IFITM10: variants seen among roughly 807,000 people sequenced by gnomAD.
IFITM10 encodes interferon-induced transmembrane protein 10.
Under a neutral mutation model 19.0 loss-of-function variants are expected in IFITM10, and 17 were observed. That is an observed-to-expected ratio of 0.90 (90% CI 0.61 to 1.34). The LOEUF (loss-of-function observed/expected upper bound fraction) is 1.34, where lower values mean the gene tolerates loss of function less well. Among genes scored for constraint, IFITM10 ranks in the 40% most tolerant of loss-of-function variants. IFITM10 has a pLI of 0.00. For missense variants in IFITM10, 306 were observed against 319.8 expected (o/e 0.96, Z 0.33); for synonymous variants, 148 against 147.2 (o/e 1.01, Z -0.04).
In IFITM10 at chr11:1,735,275, G is replaced by A. The variant is rs1026835107; in HGVS notation, c.*5C>T. 51 of 1,551,432 alleles carry A rather than the reference G, an allele frequency of 3.3e-5. No individual in the cohort carries two copies. Among genetic ancestry groups the A allele is most frequent in the Non-Finnish European group, 4.2e-5 (48 of 1,146,906 alleles). On this transcript the variant is annotated 3_prime_UTR_variant, in exon 3 of 3. Coordinates refer to ENST00000340134, the MANE Select transcript of IFITM10 (RefSeq NM_001170820.4). The stretch of plus-strand genomic sequence containing the variant: ...GTCTCCGCCAGCAGCCGTGCCTGGC[G>A]GGCCTTAGTAGTCGGTGAGGGGGTA...
chr11:1,742,254 A>G (rs1253192258), intron 2 of IFITM10, among the ~76,000 whole-genome samples: 1 of 152,128 alleles, frequency 6.6e-6, no homozygotes, highest in African/African-American at 2.4e-5. Flanking sequence ...TTACAGCTGA[A>G]TGATTAGCTA....
chr11:1,740,298 T>TAAA (rs1845547579), intron 2 of IFITM10, among the ~76,000 whole-genome samples: 1 of 39,130 alleles, frequency 2.6e-5, no homozygotes, highest in African/African-American at 2.0e-4. Context: ...AGACTCCATC[T>TAAA]CAAAAAAAAA....
At chr11:1,748,286 C>T (rs1182187485) in intron 1 of IFITM10, 167 bp from the exon 2 acceptor site, 1 of 484,130 alleles carries the variant, frequency 2.1e-6, no homozygotes, top group Non-Finnish European at 3.4e-6. Context: ...CCTCGGCGGC[C>T]ACGGACGATG....
chr11:1,747,369 C>G (rs942950896), intron 2 of IFITM10, among the ~76,000 whole-genome samples: 1 of 152,092 alleles, frequency 6.6e-6, no homozygotes, highest in Non-Finnish European at 1.5e-5. Flanking sequence ...CCTCAACCCC[C>G]GCTCCCAGCC....
chr11:1,747,881 G>C lies in IFITM10; in HGVS notation c.323C>G (p.Ser108Cys). The C allele has an allele frequency of 6.5e-7, 1 of 1,530,612 alleles. No homozygotes were observed. The highest frequency in any genetic ancestry group is 8.8e-7 in the Non-Finnish European group (1 of 1,135,644). The allele number at this position is 1,530,612 out of a possible 1,614,324, so 94.8% of individuals were successfully genotyped here. A position where few individuals can be genotyped will look rare whatever the true frequency, so the allele number is the denominator to read the frequency against. The change falls in exon 2 of 3, where the codon TCC becomes TGC. Residue 108 changes from serine (S) to cysteine (C), a missense_variant. Ser to Cys is a moderately radical substitution (Grantham distance 112, BLOSUM62 -1). Transcript: ENST00000340134. ...CACGCTGTCGGTCTTGCTGCTCTTG[G>C]ACTCCATGGGGAACAGTGTGGGCGC... ...PMAPTLFPME[S>C]KSSKTDSVRA...
rs1317665358 is a variant in IFITM10, at chr11:1,734,440, C to T, written c.*840G>A. On this transcript the variant is annotated 3_prime_UTR_variant, in exon 3 of 3. Coordinates refer to ENST00000340134, the MANE Select transcript of IFITM10 (RefSeq NM_001170820.4). ...GGCCTGTCCAGGTCCCAGAGCCCTC[C>T]AGGAGGGACAGGGGTTAGCCAGGCG... 1 of 152,334 alleles carries T rather than the reference C, an allele frequency of 6.6e-6. No homozygotes were observed. The highest frequency in any genetic ancestry group is 2.4e-5 in the African/African-American group (1 of 41,466). The allele number at this position is 152,334 out of a possible 1,614,324, so 9.4% of individuals were successfully genotyped here.
At chr11:1,747,590 G>A in intron 2 of IFITM10, 77 bp downstream of exon 2, 1 of 1,310,148 alleles carries the variant, frequency 7.6e-7, no homozygotes, top group South Asian at 1.3e-5. Context: ...GAGGGGCCGA[G>A]CGCCCACAGC....
chr11:1,741,809 C>A (rs905808746), intron 2 of IFITM10, among the ~76,000 whole-genome samples: 4 of 152,136 alleles, frequency 2.6e-5, no homozygotes, highest in Admixed American at 2.6e-4. Context: ...GAAATCCTAA[C>A]CCCTAAAGTG....
chr11:1,746,403 GCA>G (rs1232628261), intron 2 of IFITM10: 2 of 374,856 alleles, frequency 5.3e-6, no homozygotes, highest in East Asian at 3.6e-5. Flanking sequence ...GCATTCACAT[GCA>G]CACATAGTTA....
intron 1 of IFITM10, chr11:1,748,559 G>C (rs1190744016): frequency 6.2e-6 from 1 of 161,412 alleles, no homozygotes. Flanking sequence ...TGCCCACGGC[G>C]CCCGCGGACA....
chr11:1,743,220 G>A (rs1214546023), intron 2 of IFITM10, among the ~76,000 whole-genome samples: 1 of 151,106 alleles, frequency 6.6e-6, no homozygotes, highest in South Asian at 2.1e-4. Flanking sequence ...GACAGATGAA[G>A]AATGGACAAA....
chr11:1,747,828 T>C lies in IFITM10; in HGVS notation c.376A>G (p.Lys126Glu), dbSNP rs759217328. The C allele has an allele frequency of 3.2e-6, 5 of 1,548,760 alleles. No individual in the cohort carries two copies. Residue 126 changes from lysine to glutamate, a missense_variant, in exon 2 of 3, where the codon AAG becomes GAG. Transcript: ENST00000340134. ...ATCGTCTTCTTCTCGGCTAGGTGCT[T>C]GCAGGCAGGGGGCGCGCCGGCAGCC... ...VRAAGAPPAC[K>E]HLAEKKTMTN...
intron 2 of IFITM10, among the ~76,000 whole-genome samples, chr11:1,736,550 G>C (rs769624837): frequency 2.0e-5 from 3 of 152,174 alleles, no homozygotes; most frequent in Non-Finnish European, 4.4e-5. Flanking sequence ...GGAATGAAGT[G>C]GAGCAAATGC....
chr11:1,745,514 A>AC (rs1452111543), intron 2 of IFITM10: 1 of 152,660 alleles, frequency 6.6e-6, no homozygotes, highest in Non-Finnish European at 1.5e-5. Flanking sequence ...ACTCACCACC[A>AC]CACACACATG....
At chr11:1,741,462 A>C (rs1845569823) in intron 2 of IFITM10, among the ~76,000 whole-genome samples, 1 of 151,942 alleles carries the variant, frequency 6.6e-6, no homozygotes. Flanking sequence ...AGAGCGGGAG[A>C]GAGAACAGGC....
intron 2 of IFITM10, among the ~76,000 whole-genome samples, chr11:1,737,891 G>A (rs1398158002): frequency 6.6e-6 from 1 of 152,152 alleles, no homozygotes; most frequent in African/African-American, 2.4e-5. Context: ...TTCTTTGTTG[G>A]ATACTTGGAG....
intron 2 of IFITM10, chr11:1,745,160 C>G (rs900712345): frequency 1.3e-5 from 2 of 152,850 alleles, no homozygotes; most frequent in African/African-American, 4.8e-5. Context: ...CCCCCAACCC[C>G]TGCAGAAACC....
At chr11:1,750,214 G>T in intron 1 of IFITM10, 145 bp downstream of exon 1, 1 of 1,427,316 alleles carries the variant, frequency 7.0e-7, no homozygotes, top group Non-Finnish European at 9.6e-7. Flanking sequence ...TCACTCTCAC[G>T]GTATGCTTGA....
intron 2 of IFITM10, among the ~76,000 whole-genome samples, 182 bp from the exon 3 acceptor site, chr11:1,735,611 G>T (rs764427804): frequency 1.3e-5 from 2 of 152,178 alleles, no homozygotes; most frequent in Non-Finnish European, 2.9e-5. Flanking sequence ...CACTGTACAC[G>T]GATGAACTTG....
Sources: gnomAD v4.1 joint callset for allele counts (sites outside exome capture counted in the v4.1 genomes callset) on GRCh38, gnomAD v4.1.1 for gene constraint, MANE v1.5 for transcripts, NCBI Gene and HGNC (gene_info 2026-07-23, HGNC 2026-07-21) for gene names.